Variants in BBS9 observed in about 807,000 individuals in gnomAD.
BBS9 encodes protein PTHB1.
Under a neutral mutation model 117.7 loss-of-function variants are expected in BBS9, and 89 were observed. The observed-to-expected ratio is 0.76, with a 90% CI of 0.64 to 0.90. BBS9 has a LOEUF of 0.90. Ranked by LOEUF, BBS9 falls within the 40% of genes least tolerant of loss-of-function variation. BBS9 has a pLI of 0.00. For missense variants in BBS9, 982 were observed against 1,042.2 expected (o/e 0.94, Z 0.80); for synonymous variants, 379 against 370.9 (o/e 1.02, Z -0.25).
At chr7:33,220,181 T>C (rs4723276) in intron 5 of BBS9, among the ~76,000 whole-genome samples, 46,563 of 152,094 alleles carry the variant, frequency 0.31, 7,604 homozygotes, top group Admixed American at 0.43. Flanking sequence ...AGTCTTATAA[T>C]TGCAGTTTAT....
chr7:33,541,158 T>A (rs562556850), intron 21 of BBS9, among the ~76,000 whole-genome samples: 1 of 152,182 alleles, frequency 6.6e-6, no homozygotes, highest in African/African-American at 2.4e-5. Context: ...AAGCTCCACA[T>A]GTCTCCACCA....
intron 9 of BBS9, among the ~76,000 whole-genome samples, chr7:33,335,840 G>A (rs1348978290): frequency 6.6e-6 from 1 of 152,126 alleles, no homozygotes; most frequent in Non-Finnish European, 1.5e-5. Flanking sequence ...GAGAGCGTGT[G>A]AAGGAAGCTG....
intron 21 of BBS9, among the ~76,000 whole-genome samples, chr7:33,592,149 A>G (rs924840861): frequency 6.6e-6 from 1 of 152,046 alleles, no homozygotes; most frequent in East Asian, 1.9e-4. Context: ...TGCTGTATTC[A>G]TGGCCTGCAG....
At chr7:33,612,406 C>T (rs987676325) in intron 21 of BBS9, among the ~76,000 whole-genome samples, 18 of 152,006 alleles carry the variant, frequency 1.2e-4, no homozygotes, top group African/African-American at 4.1e-4. Flanking sequence ...AATCATAAAA[C>T]ACATACACAC....
At chr7:33,193,606 C>T (rs1255920966) in intron 5 of BBS9, among the ~76,000 whole-genome samples, 3 of 151,994 alleles carry the variant, frequency 2.0e-5, no homozygotes, top group East Asian at 1.9e-4. Flanking sequence ...TCCTTCCTGA[C>T]GTACTGTTTT....
intron 5 of BBS9, among the ~76,000 whole-genome samples, chr7:33,204,139 C>T (rs1347841303): frequency 1.7e-5 from 2 of 117,682 alleles, no homozygotes; most frequent in African/African-American, 3.3e-5. Context: ...CATGGTGGCT[C>T]ACGCCTGTAA....
At chr7:33,413,219 C>T (rs1156706721) in intron 19 of BBS9, among the ~76,000 whole-genome samples, 2 of 152,194 alleles carry the variant, frequency 1.3e-5, no homozygotes, top group Non-Finnish European at 2.9e-5. Context: ...CTTGCAGTCT[C>T]ACTCCTACTG....
chr7:33,193,805 T>C (rs1784541362), intron 5 of BBS9, among the ~76,000 whole-genome samples: 1 of 152,232 alleles, frequency 6.6e-6, no homozygotes, highest in Non-Finnish European at 1.5e-5. Context: ...CCTGTTATCT[T>C]GGAAGGCTGA....
At chr7:33,422,312 A>T (rs538577919) in intron 19 of BBS9, among the ~76,000 whole-genome samples, 21 of 152,310 alleles carry the variant, frequency 1.4e-4, no homozygotes, top group African/African-American at 5.1e-4. Flanking sequence ...TCTGATGCAG[A>T]CCACTGTATA....
At chr7:33,599,488 T>A (rs368918605) in intron 21 of BBS9, among the ~76,000 whole-genome samples, 3 of 152,294 alleles carry the variant, frequency 2.0e-5, no homozygotes, top group East Asian at 3.9e-4. Context: ...TGTATGAATA[T>A]GTTATCAATG....
chr7:33,505,438 T>C, intron 19 of BBS9, 25 bp from the exon 20 acceptor site: 4 of 1,613,350 alleles, frequency 2.5e-6, no homozygotes, highest in Non-Finnish European at 3.4e-6. Context: ...AAATTATCCC[T>C]AACCGAAGTT....
chr7:33,286,496 T>C (rs1457821156), intron 9 of BBS9, among the ~76,000 whole-genome samples: 1 of 152,178 alleles, frequency 6.6e-6, no homozygotes, highest in Non-Finnish European at 1.5e-5. Flanking sequence ...AACATTTTTT[T>C]CTCCTTACTT....
chr7:33,487,542 A>G (rs958478149), intron 19 of BBS9, among the ~76,000 whole-genome samples: 1 of 152,190 alleles, frequency 6.6e-6, no homozygotes, highest in African/African-American at 2.4e-5. Flanking sequence ...AGAAAAGTAA[A>G]ATGATTTGCC....
intron 5 of BBS9, among the ~76,000 whole-genome samples, chr7:33,224,044 TAATA>T (rs1446808050): frequency 1.3e-5 from 2 of 152,216 alleles, no homozygotes; most frequent in African/African-American, 2.4e-5. Flanking sequence ...GTGGTAAATA[TAATA>T]TTTACTTTTT....
chr7:33,291,841 GT>G (rs1294388992), intron 9 of BBS9, among the ~76,000 whole-genome samples: 17 of 152,164 alleles, frequency 1.1e-4, no homozygotes, highest in Non-Finnish European at 2.2e-4. Context: ...ATTTTAATAG[GT>G]CTTAATTCCT....
intron 17 of BBS9, 31 bp downstream of exon 17, chr7:33,367,893 A>T: frequency 6.3e-7 from 1 of 1,586,720 alleles, no homozygotes; most frequent in South Asian, 1.1e-5. Context: ...ATTGCTTTTT[A>T]AATTTTTTTC....
chr7:33,580,327 G>C (rs1000145250), intron 21 of BBS9, among the ~76,000 whole-genome samples: 4 of 151,544 alleles, frequency 2.6e-5, no homozygotes, highest in Non-Finnish European at 5.9e-5. Flanking sequence ...AGAAAAGAAA[G>C]TTAATCACGA....
At chr7:33,558,891 A>C (rs554675911) in intron 21 of BBS9, among the ~76,000 whole-genome samples, 1 of 152,190 alleles carries the variant, frequency 6.6e-6, no homozygotes, top group Non-Finnish European at 1.5e-5. Context: ...GAATTTTTTA[A>C]AAAGACTCCT....
chr7:33,410,397 T>C (rs148623803), intron 19 of BBS9, among the ~76,000 whole-genome samples: 85 of 152,300 alleles, frequency 5.6e-4, no homozygotes, highest in South Asian at 3.7e-3. Context: ...CATACCTCCC[T>C]ACTCATTTGC....
Sources: gnomAD v4.1 joint callset for allele counts (sites outside exome capture counted in the v4.1 genomes callset) on GRCh38, gnomAD v4.1.1 for gene constraint, MANE v1.5 for transcripts, NCBI Gene and HGNC (gene_info 2026-07-23, HGNC 2026-07-21) for gene names.